Variants in DPP10 observed in about 807,000 individuals in gnomAD.
The protein encoded by DPP10 is inactive dipeptidyl peptidase 10.
Under a neutral mutation model 120.9 loss-of-function variants are expected in DPP10, and 33 were observed. The ratio of observed to expected loss-of-function variants is 0.27; its 90% confidence interval spans 0.21 to 0.37. The LOEUF (loss-of-function observed/expected upper bound fraction) is 0.37, where lower values mean the gene tolerates loss of function less well. DPP10 is among the 10% of genes least tolerant of loss of function. The probability of loss-of-function intolerance (pLI) is 1.00; values close to 1 mark genes in which losing one functional copy is unlikely to be tolerated. For missense variants in DPP10, 816 were observed against 942.8 expected (o/e 0.87, Z 1.76); for synonymous variants, 337 against 326.1 (o/e 1.03, Z -0.36).
intron 1 of DPP10, among the ~76,000 whole-genome samples, chr2:114,632,103 G>A (rs112344551): frequency 5.9e-5 from 9 of 151,824 alleles, no homozygotes; most frequent in African/African-American, 7.3e-5. Flanking sequence ...AGTTAGCTTC[G>A]GGTTAAATAT....
At chr2:115,224,157 C>T (rs1227044246) in intron 1 of DPP10, among the ~76,000 whole-genome samples, 1 of 151,974 alleles carries the variant, frequency 6.6e-6, no homozygotes, top group African/African-American at 2.4e-5. Flanking sequence ...ACTGTGAAAA[C>T]ATTCTTAAAA....
chr2:115,539,331 G>A (rs1261363141), intron 5 of DPP10, among the ~76,000 whole-genome samples: 1 of 151,946 alleles, frequency 6.6e-6, no homozygotes, highest in African/African-American at 2.4e-5. Flanking sequence ...TAGGGCCCTT[G>A]ATATGAAATG....
At chr2:114,886,924 C>T (rs1050987557) in intron 1 of DPP10, among the ~76,000 whole-genome samples, 7 of 152,308 alleles carry the variant, frequency 4.6e-5, no homozygotes, top group Non-Finnish European at 1.0e-4. Flanking sequence ...TCCCACTCCA[C>T]CCCCTAGTCT....
At chr2:114,654,702 G>A (rs1696845426) in intron 1 of DPP10, among the ~76,000 whole-genome samples, 1 of 151,882 alleles carries the variant, frequency 6.6e-6, no homozygotes, top group Non-Finnish European at 1.5e-5. Context: ...CTTTATTGCT[G>A]CATTGTCAGG....
chr2:115,424,692 C>CAT (rs1353860216), intron 3 of DPP10, among the ~76,000 whole-genome samples: 1 of 152,032 alleles, frequency 6.6e-6, no homozygotes, highest in East Asian at 1.9e-4. Context: ...CCTTAAAATG[C>CAT]ATATGCACAC....
At chr2:115,653,568 C>T (rs2087998380) in intron 5 of DPP10, among the ~76,000 whole-genome samples, 1 of 151,900 alleles carries the variant, frequency 6.6e-6, no homozygotes, top group South Asian at 2.1e-4. Context: ...ACACAGTTTT[C>T]CCAATATACA....
chr2:115,132,692 A>C (rs1418321280), intron 1 of DPP10, among the ~76,000 whole-genome samples: 2 of 152,054 alleles, frequency 1.3e-5, no homozygotes, highest in Non-Finnish European at 2.9e-5. Context: ...TTACGGCTGG[A>C]AATTCAGGTT....
chr2:114,992,238 A>T (rs78322315), intron 1 of DPP10, among the ~76,000 whole-genome samples: 2 of 152,212 alleles, frequency 1.3e-5, no homozygotes, highest in Non-Finnish European at 2.9e-5. Flanking sequence ...GCCCAAAATG[A>T]AAATGCATTC....
At chr2:115,410,085 A>T (rs1453471595) in intron 3 of DPP10, among the ~76,000 whole-genome samples, 1 of 152,180 alleles carries the variant, frequency 6.6e-6, no homozygotes, top group African/African-American at 2.4e-5. Context: ...TTCTGCATAT[A>T]GCTAGCCAGA....
At chr2:115,185,058 A>C (rs1022181504) in intron 1 of DPP10, among the ~76,000 whole-genome samples, 1 of 152,164 alleles carries the variant, frequency 6.6e-6, no homozygotes, top group African/African-American at 2.4e-5. Context: ...CTGTGTTATA[A>C]AATTAGTTTT....
intron 1 of DPP10, among the ~76,000 whole-genome samples, chr2:114,686,082 G>A (rs1699346802): frequency 6.6e-6 from 1 of 151,814 alleles, no homozygotes. Context: ...ACACATGCAG[G>A]CTGCTTGCTT....
intron 10 of DPP10, among the ~76,000 whole-genome samples, chr2:115,748,533 C>G (rs1219900305): frequency 6.6e-6 from 1 of 151,828 alleles, no homozygotes; most frequent in Non-Finnish European, 1.5e-5. Flanking sequence ...TTCATGACTT[C>G]CACTACCTTA....
At chr2:115,659,097 C>T (rs1343117323) in intron 5 of DPP10, among the ~76,000 whole-genome samples, 2 of 152,016 alleles carry the variant, frequency 1.3e-5, no homozygotes, top group Non-Finnish European at 2.9e-5. Flanking sequence ...CCTGATAAAA[C>T]GGTAAGTTCA....
intron 5 of DPP10, among the ~76,000 whole-genome samples, chr2:115,566,836 A>C (rs78653388): frequency 0.026 from 3,920 of 152,232 alleles, 186 homozygotes; most frequent in African/African-American, 0.088. Flanking sequence ...CTTTATTATA[A>C]TCCATTAATT....
At chr2:114,588,064 A>G (rs1691150956) in intron 1 of DPP10, among the ~76,000 whole-genome samples, 2 of 152,242 alleles carry the variant, frequency 1.3e-5, no homozygotes, top group African/African-American at 2.4e-5. Context: ...AAAATAATAT[A>G]CTGCTGACTT....
At chr2:115,429,180 A>C (rs944617649) in intron 3 of DPP10, among the ~76,000 whole-genome samples, 1 of 151,700 alleles carries the variant, frequency 6.6e-6, no homozygotes, top group Non-Finnish European at 1.5e-5. Flanking sequence ...TGCTTTATAC[A>C]TTTAAGGAAT....
Position 114,915,807 on chromosome 2 carries a change from T to C in DPP10, c.61-393432T>C, listed in dbSNP as rs116298975. Reference sequence around the variant, plus strand: ...TTTGAAACTAATGAAAACAAAGATATAGCATACCAGAATTTCTGGGACACA... The same window carrying C: ...TTTGAAACTAATGAAAACAAAGATACAGCATACCAGAATTTCTGGGACACA... On this transcript the variant is annotated intron_variant, in intron 1 of 25. Coordinates refer to ENST00000410059, the MANE Select transcript of DPP10 (RefSeq NM_020868.6). Among the ~76,000 whole-genome samples, 1,013 of 152,198 alleles carry C rather than the reference T, an allele frequency of 6.7e-3. 16 individuals carry two copies. Among genetic ancestry groups the C allele is most frequent in the African/African-American group, 0.023 (970 of 41,544 alleles).
intron 1 of DPP10, among the ~76,000 whole-genome samples, chr2:115,189,057 A>G (rs927392459): frequency 3.3e-5 from 5 of 152,194 alleles, no homozygotes; most frequent in African/African-American, 1.2e-4. Flanking sequence ...TCCTTGATTT[A>G]TGATGGAATT....
intron 2 of DPP10, among the ~76,000 whole-genome samples, chr2:115,338,336 G>A (rs1038969046): frequency 4.6e-5 from 7 of 151,772 alleles, no homozygotes; most frequent in Non-Finnish European, 8.8e-5. Context: ...ATGTGTTAAA[G>A]GAGAAAAATA....
Sources: allele counts gnomAD v4.1 joint callset (sites outside exome capture counted in the v4.1 genomes callset), GRCh38; gene constraint gnomAD v4.1.1; transcripts MANE v1.5; gene names NCBI Gene and HGNC (gene_info 2026-07-23, HGNC 2026-07-21).